The following CCDC186 variants were observed in gnomAD, a reference collection of about 807,000 sequenced individuals.
The protein encoded by CCDC186 is coiled-coil domain-containing protein 186.
CCDC186 carries 49 observed loss-of-function variants against 113.7 expected under a neutral mutation model. The observed-to-expected ratio is 0.43, with a 90% CI of 0.34 to 0.55. CCDC186 has a LOEUF of 0.55. Among genes scored for constraint, CCDC186 ranks in the 20% least tolerant of loss-of-function variants. The pLI is 0.02. For missense variants in CCDC186, 890 were observed against 1,011.1 expected, an observed-to-expected ratio of 0.88 and a Z score of 1.62; for synonymous variants, 355 against 345.8, an observed-to-expected ratio of 1.03 and a Z score of -0.30.
At chr10:114,165,483 G>C (rs542063427) in intron 1 of CCDC186, among the ~76,000 whole-genome samples, 216 of 152,228 alleles carry the variant, frequency 1.4e-3, no homozygotes, top group African/African-American at 4.6e-3. Flanking sequence ...CACAAGGTCA[G>C]GAGTTCAAGA....
chr10:114,137,340 T>G, intron 6 of CCDC186, 50 bp from the exon 7 acceptor site: 1 of 1,310,658 alleles, frequency 7.6e-7, no homozygotes, highest in African/African-American at 1.4e-5. Context: ...ACGTGATGAA[T>G]GGTAAGAAGT....
At position 114,129,974 on chromosome 10, in the gene CCDC186, AT is replaced by A. The variant is rs774663688; in HGVS notation, c.2102-4del. On this transcript the variant is annotated splice_polypyrimidine_tract_variant and splice_region_variant and intron_variant, in intron 12 of 15. Transcript: ENST00000369287. The stretch of plus-strand genomic sequence containing the variant: ...AACCTGATCTAATTTTCTTCGTGCT[AT>A]AGGAAAAAGAAGATTATTCGTCACA... 1 of 1,612,336 alleles carries A rather than the reference AT, an allele frequency of 6.2e-7. No homozygotes were observed.
At chr10:114,145,878 A>G (rs1201364158) in intron 4 of CCDC186, 117 bp from the exon 5 acceptor site, 1 of 930,828 alleles carries the variant, frequency 1.1e-6, no homozygotes, top group Non-Finnish European at 1.6e-6. Context: ...TTTGCACAAC[A>G]TTCCCAGGAC....
intron 1 of CCDC186, among the ~76,000 whole-genome samples, chr10:114,172,460 T>C (rs955311367): frequency 2.0e-5 from 3 of 152,170 alleles, no homozygotes; most frequent in East Asian, 3.9e-4. Context: ...AAGGTTAGAG[T>C]GGTCACTGTG....
rs189841161 is a variant in CCDC186 at position 114,126,120 on chromosome 10, G to A, written c.2394-15C>T. 6.3e-6 allele frequency: 10 copies of A among 1,599,752 alleles called. No individual in the cohort carries two copies. The African/African-American group carries it at 1.3e-4, about 21-fold the overall frequency. ...TTTGAATTATTCTGCAAAACAAAATGATAGTATCAGTTGTGTACTTGTAGA... is the reference window on the plus strand; with the variant it reads ...TTTGAATTATTCTGCAAAACAAAATAATAGTATCAGTTGTGTACTTGTAGA... On this transcript the variant is annotated splice_polypyrimidine_tract_variant and intron_variant, in intron 14 of 15. Transcript: ENST00000369287.
intron 3 of CCDC186, among the ~76,000 whole-genome samples, chr10:114,157,178 A>ATTTTT (rs34377537): frequency 2.5e-5 from 3 of 121,178 alleles, no homozygotes; most frequent in African/African-American, 6.3e-5. Flanking sequence ...AGTTTTCAGA[A>ATTTTT]TTTTTTTTTT....
chr10:114,170,616 G>A (rs1441135684), intron 1 of CCDC186, among the ~76,000 whole-genome samples: 3 of 152,092 alleles, frequency 2.0e-5, no homozygotes, highest in African/African-American at 7.2e-5. Context: ...GAGCCACCAT[G>A]GTTGGCACAA....
intron 1 of CCDC186, among the ~76,000 whole-genome samples, chr10:114,165,006 A>T (rs912802720): frequency 1.8e-4 from 27 of 152,348 alleles, no homozygotes; most frequent in Middle Eastern, 3.4e-3. Flanking sequence ...CAGAAATGGT[A>T]ACACTAGTAT....
chr10:114,149,890 G>A (rs149801519), intron 4 of CCDC186, among the ~76,000 whole-genome samples: 1 of 147,782 alleles, frequency 6.8e-6, no homozygotes, highest in Non-Finnish European at 1.5e-5. Context: ...GGCTCACCAG[G>A]TGATTCTAAT....
chr10:114,160,746 T>C (rs973031548), intron 2 of CCDC186, among the ~76,000 whole-genome samples: 1 of 152,020 alleles, frequency 6.6e-6, no homozygotes, highest in Non-Finnish European at 1.5e-5. Context: ...TCAAAGAAAG[T>C]AAAAGGAAGT....
At chr10:114,128,892 TAAAAG>T in intron 13 of CCDC186, among the ~76,000 whole-genome samples, 1 of 152,254 alleles carries the variant, frequency 6.6e-6, no homozygotes, top group Middle Eastern at 3.4e-3. Context: ...TCTTGGGTGT[TAAAAG>T]AAAAAGAGAG....
At chr10:114,165,860 A>AAAAAAAAAAAG (rs2032323043) in intron 1 of CCDC186, 1 of 982,372 alleles carries the variant, frequency 1.0e-6, no homozygotes, top group Non-Finnish European at 1.2e-6. Context: ...AAAAAAAAAA[A>AAAAAAAAAAAG]AAGTAAGGAG....
chr10:114,125,291 AG>A (rs2030859675), intron 15 of CCDC186, 65 bp from the exon 16 acceptor site: 1 of 1,248,246 alleles, frequency 8.0e-7, no homozygotes, highest in East Asian at 2.4e-5. Context: ...AAAACAATTC[AG>A]TTTGAACTAT....
chr10:114,125,763 T>C (rs1678706104), intron 15 of CCDC186, 123 bp downstream of exon 15: 3 of 717,634 alleles, frequency 4.2e-6, no homozygotes, highest in Admixed American at 3.1e-5. Flanking sequence ...CGAAACTTCA[T>C]CTTTGGGTAA....
intron 14 of CCDC186, 54 bp downstream of exon 14, chr10:114,127,407 C>G: frequency 6.7e-7 from 1 of 1,493,604 alleles, no homozygotes. Context: ...AGTAACTTTG[C>G]TATATGAGTA....
At chr10:114,139,756 T>C (rs973482533) in intron 6 of CCDC186, among the ~76,000 whole-genome samples, 5 of 152,122 alleles carry the variant, frequency 3.3e-5, no homozygotes, top group African/African-American at 1.2e-4. Flanking sequence ...AAATATTGAC[T>C]TTTTAAAATA....
intron 1 of CCDC186, among the ~76,000 whole-genome samples, chr10:114,172,691 C>T (rs2032532499): frequency 6.6e-6 from 1 of 152,180 alleles, no homozygotes; most frequent in Non-Finnish European, 1.5e-5. Flanking sequence ...ATTCTTAATA[C>T]TGCAAGATTC....
chr10:114,137,613 C>T (rs990673034), intron 6 of CCDC186, among the ~76,000 whole-genome samples: 13 of 151,990 alleles, frequency 8.6e-5, no homozygotes, highest in Admixed American at 5.2e-4. Context: ...TATTTAAAAC[C>T]GTCTTTTGGC....
intron 1 of CCDC186, among the ~76,000 whole-genome samples, chr10:114,172,126 T>C (rs955408292): frequency 6.7e-6 from 1 of 149,056 alleles, no homozygotes; most frequent in Non-Finnish European, 1.5e-5. Flanking sequence ...AAAACCTAAG[T>C]TTTACTAAAA....
Sources: gnomAD v4.1 joint callset for allele counts (sites outside exome capture counted in the v4.1 genomes callset) on GRCh38, gnomAD v4.1.1 for gene constraint, MANE v1.5 for transcripts, NCBI Gene and HGNC (gene_info 2026-07-23, HGNC 2026-07-21) for gene names.